The following BCAS3 variants were observed in gnomAD, a reference collection of about 807,000 sequenced individuals.
The protein encoded by BCAS3 is BCAS3 microtubule associated cell migration factor.
Under a neutral mutation model 116.1 loss-of-function variants are expected in BCAS3, and 53 were observed. That is an observed-to-expected ratio of 0.46 (90% CI 0.37 to 0.57). The LOEUF is 0.57. Among genes scored for constraint, BCAS3 ranks in the 20% least tolerant of loss-of-function variants. BCAS3 has a pLI of 0.00. For synonymous variants in BCAS3, 391 were observed against 408.2 expected (o/e 0.96, Z 0.51); for missense variants, 917 against 1,165.4 (o/e 0.79, Z 3.10).
At chr17:60,954,835 A>G (rs903712198) in intron 14 of BCAS3, among the ~76,000 whole-genome samples, 8 of 152,226 alleles carry the variant, frequency 5.3e-5, no homozygotes, top group Non-Finnish European at 1.2e-4. Context: ...AATACATACA[A>G]TGCATACTTT....
intron 22 of BCAS3, among the ~76,000 whole-genome samples, chr17:61,179,874 C>CT (rs5821309): frequency 0.68 from 84,997 of 124,496 alleles, 30,402 homozygotes; most frequent in South Asian, 0.86. Flanking sequence ...CTCTCTCTCT[C>CT]TTTTTTTTTT....
rs55888678 is a variant in BCAS3 at position 61,350,414 on chromosome 17, CAATAAATA to C, written c.2426-17877_2426-17870del. 1.3e-3 allele frequency among the ~76,000 whole-genome samples: 179 copies of C among 136,758 alleles called. 1 individual carries two copies. The highest frequency in any genetic ancestry group is 5.6e-3 in the East Asian group (26 of 4,630). The allele number at this position is 136,758 out of a possible 152,430, so 89.7% of individuals were successfully genotyped here. On this transcript the variant is annotated intron_variant, in intron 22 of 23. Transcript: ENST00000407086. ...TGGGCGACAGAGCGAGACTCTGTCT[CAATAAATA>C]AATAAATAAATAAATAAATAAATAA...
Position 61,307,063 on chromosome 17 carries a change from G to C in BCAS3, c.2426-61264G>C, listed in dbSNP as rs2053912721. Among the ~76,000 whole-genome samples, 1 of 152,204 alleles carries C rather than the reference G, an allele frequency of 6.6e-6. No individual in the cohort carries two copies. Among genetic ancestry groups the C allele is most frequent in the Non-Finnish European group, 1.5e-5 (1 of 68,034 alleles). On this transcript the variant is annotated intron_variant, in intron 22 of 23. Coordinates refer to ENST00000407086, the MANE Select transcript of BCAS3 (RefSeq NM_017679.5). The surrounding 1 kb of genome is among the most constrained non-coding windows in gnomAD (Gnocchi z 4.7). ...CTGTGATTCTCTCAAAGGTCTTTCA[G>C]TATTGATCAGGGAGTCATTCCCACT...
At chr17:60,996,388 G>A (rs1390168689) in intron 15 of BCAS3, among the ~76,000 whole-genome samples, 1 of 152,132 alleles carries the variant, frequency 6.6e-6, no homozygotes, top group Non-Finnish European at 1.5e-5. Flanking sequence ...TATTTTTTAT[G>A]GTATGGCGAT....
intron 22 of BCAS3, among the ~76,000 whole-genome samples, chr17:61,174,350 A>G (rs2079020776): frequency 1.1e-4 from 17 of 152,162 alleles, no homozygotes; most frequent in Admixed American, 1.1e-3. Flanking sequence ...CCACCGTTCT[A>G]CTATTCTCTG....
Position 61,104,391 on chromosome 17 carries a change from A to T in BCAS3, c.2425+19827A>T, listed in dbSNP as rs927727498. Reference sequence around the variant, plus strand: ...CATCTTGTATAACTGAATAAAGAAAATTTTTTATTGAAATTAAAGTAAGGA... The same window carrying T: ...CATCTTGTATAACTGAATAAAGAAATTTTTTTATTGAAATTAAAGTAAGGA... On this transcript the variant is annotated intron_variant, in intron 22 of 23. Coordinates refer to ENST00000407086, the MANE Select transcript of BCAS3 (RefSeq NM_017679.5). This position sits in a 1 kb window ranked among gnomAD's most constrained non-coding sequence, Gnocchi z 4.1. Among the ~76,000 whole-genome samples, 8 of 152,316 alleles carry T rather than the reference A, an allele frequency of 5.3e-5. No homozygotes were observed. Among genetic ancestry groups the T allele is most frequent in the Non-Finnish European group, 7.4e-5 (5 of 68,024 alleles).
At chr17:60,810,843 C>G (rs1434521430) in intron 7 of BCAS3, 1 of 700,282 alleles carries the variant, frequency 1.4e-6, no homozygotes, top group East Asian at 2.8e-5. Flanking sequence ...TCCTACAAGC[C>G]CAGACTGCCA....
chr17:60,709,470 A>C (rs1369568143), intron 5 of BCAS3, 145 bp downstream of exon 5: 1 of 521,092 alleles, frequency 1.9e-6, no homozygotes, highest in Non-Finnish European at 3.5e-6. Context: ...GCTCACTGCA[A>C]CCTCTGCCTC....
At chr17:61,267,841 C>T (rs117665209) in intron 22 of BCAS3, among the ~76,000 whole-genome samples, 2,705 of 152,132 alleles carry the variant, frequency 0.018, 32 homozygotes, top group Non-Finnish European at 0.025. Context: ...GCAACATGAC[C>T]GTAGGGGAAG....
intron 11 of BCAS3, among the ~76,000 whole-genome samples, chr17:60,905,410 A>T (rs998632614): frequency 1.2e-4 from 18 of 152,244 alleles, no homozygotes; most frequent in Non-Finnish European, 2.1e-4. Flanking sequence ...TTGAAAATAT[A>T]TTCATTGATA....
chr17:60,825,240 G>A (rs188518692), intron 7 of BCAS3, among the ~76,000 whole-genome samples: 1 of 151,102 alleles, frequency 6.6e-6, no homozygotes, highest in African/African-American at 2.4e-5. Context: ...ATGTATTATA[G>A]TGTGGTTTTA....
chr17:60,722,057 G>A (rs1231056937), intron 5 of BCAS3, among the ~76,000 whole-genome samples: 1 of 151,968 alleles, frequency 6.6e-6, no homozygotes, highest in African/African-American at 2.4e-5. Flanking sequence ...TTGCTGTGTT[G>A]TATCTATCAT....
chr17:61,148,918 A>C (rs1301734985), intron 22 of BCAS3, among the ~76,000 whole-genome samples: 1 of 152,246 alleles, frequency 6.6e-6, no homozygotes, highest in African/African-American at 2.4e-5. Flanking sequence ...CATTTTCCAG[A>C]AAACAGTTAT....
intron 5 of BCAS3, among the ~76,000 whole-genome samples, chr17:60,718,278 A>G (rs1392046958): frequency 1.3e-5 from 2 of 151,370 alleles, no homozygotes; most frequent in African/African-American, 2.4e-5. Context: ...TTTTTTTTTC[A>G]GGCAACCCTC....
At chr17:60,831,782 T>G (rs1220636151) in intron 7 of BCAS3, among the ~76,000 whole-genome samples, 3 of 151,882 alleles carry the variant, frequency 2.0e-5, no homozygotes, top group Admixed American at 2.0e-4. Flanking sequence ...TGTGGTATGT[T>G]TAAGTCTTAT....
intron 7 of BCAS3, among the ~76,000 whole-genome samples, chr17:60,820,325 G>A (rs150116554): frequency 7.4e-4 from 113 of 152,238 alleles, no homozygotes; most frequent in South Asian, 2.3e-3. Context: ...GATTACAGGC[G>A]TGAGCCACCG....
intron 13 of BCAS3, among the ~76,000 whole-genome samples, chr17:60,936,482 A>G (rs1336986049): frequency 1.3e-5 from 2 of 152,094 alleles, no homozygotes; most frequent in African/African-American, 4.8e-5. Flanking sequence ...CCAACAGTGT[A>G]AAAGTGTTCC....
chr17:61,321,335 G>C (rs1303318894), intron 22 of BCAS3, among the ~76,000 whole-genome samples: 2 of 152,200 alleles, frequency 1.3e-5, no homozygotes, highest in Admixed American at 6.5e-5. Context: ...ATTTGACTGA[G>C]AGACTCGCAT....
Position 61,316,670 on chromosome 17 carries a change from T to C in BCAS3, c.2426-51657T>C, listed in dbSNP as rs1440207567. Among the ~76,000 whole-genome samples, 1 of 152,020 alleles carries C rather than the reference T, an allele frequency of 6.6e-6. No homozygotes were observed. The highest frequency in any genetic ancestry group is 1.5e-5 in the Non-Finnish European group (1 of 68,006). Reference sequence around the variant, plus strand: ...GGGAGAGAGGGAAGGAGAAGGAGGATAAAATAAAAGGAAAAGAAGAGGTAT... The same window carrying C: ...GGGAGAGAGGGAAGGAGAAGGAGGACAAAATAAAAGGAAAAGAAGAGGTAT... On this transcript the variant is annotated intron_variant, in intron 22 of 23. Coordinates refer to ENST00000407086, the MANE Select transcript of BCAS3 (RefSeq NM_017679.5). The surrounding 1 kb of genome is among the most constrained non-coding windows in gnomAD (Gnocchi z 5.8).
Sources: gnomAD v4.1 joint callset for allele counts (sites outside exome capture counted in the v4.1 genomes callset) on GRCh38, gnomAD v4.1.1 for gene constraint, Gnocchi (gnomAD v3.1) non-coding constraint, MANE v1.5 for transcripts, NCBI Gene and HGNC (gene_info 2026-07-23, HGNC 2026-07-21) for gene names.